The following TRADD variants were observed in gnomAD, a reference collection of about 807,000 sequenced individuals.
The protein encoded by TRADD is tumor necrosis factor receptor type 1-associated DEATH domain protein.
In TRADD, 14 loss-of-function variants were observed where a neutral mutation model predicts 31.5. That is an observed-to-expected ratio of 0.44 (90% CI 0.29 to 0.69). TRADD has a LOEUF of 0.69. Among genes scored for constraint, TRADD ranks in the 30% least tolerant of loss-of-function variants. The probability of loss-of-function intolerance (pLI) is 0.11; values close to 1 mark genes in which losing one functional copy is unlikely to be tolerated. For synonymous variants in TRADD, 220 were observed against 215.8 expected (o/e 1.02, Z -0.17); for missense variants, 388 against 435.7 (o/e 0.89, Z 0.97).
In TRADD at chr16:67,156,480, T is replaced by C. The variant is rs771641581; in HGVS notation, c.151+30A>G. Reference sequence around the variant, plus strand: ...CCACAAAATGCTCCAGGCCACCCCTTCCTCTCCACATGCCCGCCCATCCAC... The same window carrying C: ...CCACAAAATGCTCCAGGCCACCCCTCCCTCTCCACATGCCCGCCCATCCAC... On this transcript the variant is annotated intron_variant, in intron 2 of 4. Coordinates refer to ENST00000345057, the MANE Select transcript of TRADD (RefSeq NM_003789.4). This position sits in a 1 kb window ranked among gnomAD's most constrained non-coding sequence, Gnocchi z 4.6. The C allele has an allele frequency of 1.9e-6, 3 of 1,607,106 alleles. No homozygotes were observed. In the South Asian group the frequency reaches 3.3e-5, roughly 18 times the overall value.
Position 67,154,619 on chromosome 16 carries a change from G to A in TRADD, c.*30C>T. On this transcript the variant is annotated 3_prime_UTR_variant, in exon 5 of 5. Transcript: ENST00000345057. The surrounding 1 kb of genome is among the most constrained non-coding windows in gnomAD (Gnocchi z 5.2). ...GCAGAAGGAACCCTAAGGCCATCCA[G>A]GTTCTCCAAAAGCTGGCTGCACCCC... The A allele has an allele frequency of 6.2e-7, 1 of 1,606,528 alleles. No individual in the cohort carries two copies. Among genetic ancestry groups the A allele is most frequent in the Non-Finnish European group, 8.5e-7 (1 of 1,177,732 alleles).
In TRADD at chr16:67,155,563, C is replaced by T. The variant is rs1235546673; in HGVS notation, c.243G>A (p.Gln81=). Residue 81 remains glutamine (Q), a synonymous_variant, in exon 3 of 5, where the codon CAG becomes CAA. Coordinates refer to ENST00000345057, the MANE Select transcript of TRADD (RefSeq NM_003789.4). ...LIVQLRFCGR[Q]PCGRFLRAYR... ...AGGCGCGGAGGAAGCGGCCACAGGG[C>T]TGCCGCCCGCAGAATCGCAGCTGCA... The T allele has an allele frequency of 6.5e-7, 1 of 1,529,424 alleles. No individual in the cohort carries two copies. Among genetic ancestry groups the T allele is most frequent in the Non-Finnish European group, 8.7e-7 (1 of 1,145,336 alleles). The allele number at this position is 1,529,424 out of a possible 1,614,324, so 94.7% of individuals were successfully genotyped here. A position where few individuals can be genotyped will look rare whatever the true frequency, so the allele number is the denominator to read the frequency against.
Position 67,156,012 on chromosome 16 carries a change from G to T in TRADD, c.152-358C>A, listed in dbSNP as rs1377281094. ...GGCGGCCAGCAGGGCAGAGGAGGGCGAGAGGTCTCAGGTCTTCGGCCTCCA... is the reference window on the plus strand; with the variant it reads ...GGCGGCCAGCAGGGCAGAGGAGGGCTAGAGGTCTCAGGTCTTCGGCCTCCA... On this transcript the variant is annotated intron_variant, in intron 2 of 4. Transcript: ENST00000345057. This position sits in a 1 kb window ranked among gnomAD's most constrained non-coding sequence, Gnocchi z 4.6. 1 of 1,389,824 alleles carries T rather than the reference G, an allele frequency of 7.2e-7. No homozygotes were observed. The highest frequency in any genetic ancestry group is 9.5e-7 in the Non-Finnish European group (1 of 1,054,964). 86.1% of individuals were successfully genotyped at this position (1,389,824 alleles called of 1,614,324 possible). A position where few individuals can be genotyped will look rare whatever the true frequency, so the allele number is the denominator to read the frequency against.
rs1567663194 is a variant in TRADD, at chr16:67,156,030, G to C, written c.152-376C>G. On this transcript the variant is annotated intron_variant, in intron 2 of 4. Coordinates refer to ENST00000345057, the MANE Select transcript of TRADD (RefSeq NM_003789.4). This position sits in a 1 kb window ranked among gnomAD's most constrained non-coding sequence, Gnocchi z 4.6. ...GGAGGGCGAGAGGTCTCAGGTCTTCGGCCTCCACCAAGCGCGACTCCCACT... is the reference window on the plus strand; with the variant it reads ...GGAGGGCGAGAGGTCTCAGGTCTTCCGCCTCCACCAAGCGCGACTCCCACT... The C allele has an allele frequency of 1.5e-6, 2 of 1,372,046 alleles. No individual in the cohort carries two copies. The highest frequency in any genetic ancestry group is 1.4e-5 in the African/African-American group (1 of 69,010). 85.0% of individuals were successfully genotyped at this position (1,372,046 alleles called of 1,614,324 possible).
chr16:67,154,616 C>A lies in TRADD; in HGVS notation c.*33G>T, dbSNP rs2030584046. ...GCCGCAGAAGGAACCCTAAGGCCATCCAGGTTCTCCAAAAGCTGGCTGCAC... is the reference window on the plus strand; with the variant it reads ...GCCGCAGAAGGAACCCTAAGGCCATACAGGTTCTCCAAAAGCTGGCTGCAC... On this transcript the variant is annotated 3_prime_UTR_variant, in exon 5 of 5. Coordinates refer to ENST00000345057, the MANE Select transcript of TRADD (RefSeq NM_003789.4). This position sits in a 1 kb window ranked among gnomAD's most constrained non-coding sequence, Gnocchi z 5.2. 1.2e-6 allele frequency: 2 copies of A among 1,604,954 alleles called. No homozygotes were observed. The highest frequency in any genetic ancestry group is 3.4e-5 in the Admixed American group (2 of 59,108).
rs1298763959 is a variant in TRADD, at chr16:67,156,306, AT to A, written c.151+203del. On this transcript the variant is annotated intron_variant, in intron 2 of 4. Coordinates refer to ENST00000345057, the MANE Select transcript of TRADD (RefSeq NM_003789.4). This position sits in a 1 kb window ranked among gnomAD's most constrained non-coding sequence, Gnocchi z 4.6. ...TGGAGCAAAGGACGTTAGTGCACAA[AT>A]TGGTAAATCATACACAGACTCGAGA... 80 of 1,139,498 alleles carry A rather than the reference AT, an allele frequency of 7.0e-5. No homozygotes were observed. In the Admixed American group the frequency reaches 1.6e-3, roughly 22 times the overall value. The allele number at this position is 1,139,498 out of a possible 1,614,324, so 70.6% of individuals were successfully genotyped here. A position where few individuals can be genotyped will look rare whatever the true frequency, so the allele number is the denominator to read the frequency against.
rs936348132 is a variant in TRADD at position 67,155,404 on chromosome 16, G to A, written c.402C>T (p.Arg134=). The A allele has an allele frequency of 6.3e-7, 1 of 1,598,744 alleles. No homozygotes were observed. ...GCTGGGCTAGGATGCAACTCAAACA[G>A]CGCTCCTCGTCCGCCAGCAAAGCGT... ...RLDALLADEE[R]CLSCILAQQP... is the part of the protein sequence containing the mutation. The change falls in exon 3 of 5, where the codon CGC becomes CGT. Residue 134 remains arginine, a synonymous_variant. Transcript: ENST00000345057.
rs749074697 is a variant in TRADD, at chr16:67,154,643, C to A, written c.*6G>T. The A allele has an allele frequency of 8.5e-5, 137 of 1,611,684 alleles. No homozygotes were observed. The highest frequency in any genetic ancestry group is 1.1e-4 in the Non-Finnish European group (135 of 1,179,690). On this transcript the variant is annotated 3_prime_UTR_variant, in exon 5 of 5. Transcript: ENST00000345057. The surrounding 1 kb of genome is among the most constrained non-coding windows in gnomAD (Gnocchi z 5.2). ...AGGTTCTCCAAAAGCTGGCTGCACC[C>A]CTGGTCTAGGCCAGGCCGCCATTGG...
rs745673506 is a variant in TRADD at position 67,156,214 on chromosome 16, G to T, written c.151+296C>A. ...AGCAAGGAGTGCTGCAGTAAGAGAG[G>T]AAAAGAGGAGAGAGACATCCACAAT... is the stretch of plus-strand genomic sequence containing the variant. On this transcript the variant is annotated intron_variant, in intron 2 of 4. Transcript: ENST00000345057. The surrounding 1 kb of genome is among the most constrained non-coding windows in gnomAD (Gnocchi z 4.6). 1 of 1,443,558 alleles carries T rather than the reference G, an allele frequency of 6.9e-7. No individual in the cohort carries two copies. Among genetic ancestry groups the T allele is most frequent in the Admixed American group, 2.1e-5 (1 of 47,180 alleles). 89.4% of individuals were successfully genotyped at this position (1,443,558 alleles called of 1,614,324 possible).
At chr16:67,155,688 C>T in intron 2 of TRADD, 34 bp from the exon 3 acceptor site, 1 of 1,542,002 alleles carries the variant, frequency 6.5e-7, no homozygotes, top group Non-Finnish European at 8.7e-7. Flanking sequence ...CCGGGCGGTC[C>T]CCAAGCTCGG....
At position 67,159,158 on chromosome 16, in the gene TRADD, G is replaced by A. The variant is rs1398426562; in HGVS notation, c.-9+680C>T. Among the ~76,000 whole-genome samples, 2 of 152,228 alleles carry A rather than the reference G, an allele frequency of 1.3e-5. No individual in the cohort carries two copies. The highest frequency in any genetic ancestry group is 2.9e-5 in the Non-Finnish European group (2 of 68,034). ...TGTTCTTTCACGGAAGCCCCTCCTT[G>A]GGAAGCCCCGCGCCCCACCCACCAG... On this transcript the variant is annotated intron_variant, in intron 1 of 4. Transcript: ENST00000345057. The surrounding 1 kb of genome is among the most constrained non-coding windows in gnomAD (Gnocchi z 6.8).
In TRADD at chr16:67,156,912, C is replaced by T. The variant is rs2030720932; in HGVS notation, c.-8-244G>A. Among the ~76,000 whole-genome samples, 1 of 152,210 alleles carries T rather than the reference C, an allele frequency of 6.6e-6. No individual in the cohort carries two copies. The highest frequency in any genetic ancestry group is 1.5e-5 in the Non-Finnish European group (1 of 68,042). Reference sequence around the variant, plus strand: ...CAGGCTTGCAGTGAGGACTGTCCCTCCACTGCCTTCTTGGAGAAAGAGCCC... The same window carrying T: ...CAGGCTTGCAGTGAGGACTGTCCCTTCACTGCCTTCTTGGAGAAAGAGCCC... On this transcript the variant is annotated intron_variant, in intron 1 of 4. Transcript: ENST00000345057. The surrounding 1 kb of genome is among the most constrained non-coding windows in gnomAD (Gnocchi z 4.6).
At position 67,154,988 on chromosome 16, in the gene TRADD, G is replaced by T. The variant is rs780740580; in HGVS notation, c.629-29C>A. 9 of 1,599,134 alleles carry T rather than the reference G, an allele frequency of 5.6e-6. No homozygotes were observed. The South Asian group carries it at 9.0e-5, about 16-fold the overall frequency. On this transcript the variant is annotated intron_variant, in intron 4 of 4. Transcript: ENST00000345057. This position sits in a 1 kb window ranked among gnomAD's most constrained non-coding sequence, Gnocchi z 5.2. ...CAGAGGGAGTGGGGAAACGGGGTGAGGGCGGGGACCCCCAGCGCCGGTCCC... is the reference window on the plus strand; with the variant it reads ...CAGAGGGAGTGGGGAAACGGGGTGATGGCGGGGACCCCCAGCGCCGGTCCC...
chr16:67,154,926 G>C lies in TRADD; in HGVS notation c.662C>G (p.Thr221Arg). The C allele has an allele frequency of 3.7e-6, 6 of 1,609,400 alleles. No homozygotes were observed. The highest frequency in any genetic ancestry group is 5.1e-6 in the Non-Finnish European group (6 of 1,178,364). ...TTTGAGACCCACAGAGCGCGCGAACGTCTGTTGGTCCTTCAGGCTCAGCGG... is the reference window on the plus strand; with the variant it reads ...TTTGAGACCCACAGAGCGCGCGAACCTCTGTTGGTCCTTCAGGCTCAGCGG... ...NRPLSLKDQQ[T>R]FARSVGLKWR... The change falls in exon 5 of 5, where the codon ACG becomes AGG. Residue 221 changes from threonine to arginine, a missense_variant. Physicochemically the swap from Thr to Arg is moderately conservative, Grantham distance 71 (BLOSUM62 -1). Transcript: ENST00000345057. The surrounding 1 kb of genome is among the most constrained non-coding windows in gnomAD (Gnocchi z 5.2).
intron 2 of TRADD, chr16:67,155,939 A>G (rs1028437451): frequency 6.7e-7 from 1 of 1,491,188 alleles, no homozygotes; most frequent in Non-Finnish European, 8.9e-7. Flanking sequence ...GGGACTTCGA[A>G]GCACAGAAAA....
intron 3 of TRADD, 34 bp downstream of exon 3, chr16:67,155,343 G>T: frequency 6.2e-7 from 1 of 1,605,522 alleles, no homozygotes. Flanking sequence ...GCGGATCCCC[G>T]CCCTACCCCA....
chr16:67,156,711 C>G lies in TRADD; in HGVS notation c.-8-43G>C, dbSNP rs777389957. ...CAGGTATCCAGTTCATCCCCCCTCC[C>G]TCCACCCTGGAGACAACTACCCAGC... is the stretch of plus-strand genomic sequence containing the variant. On this transcript the variant is annotated intron_variant, in intron 1 of 4. Coordinates refer to ENST00000345057, the MANE Select transcript of TRADD (RefSeq NM_003789.4). The surrounding 1 kb of genome is among the most constrained non-coding windows in gnomAD (Gnocchi z 4.6). The G allele has an allele frequency of 6.2e-7, 1 of 1,610,240 alleles. No individual in the cohort carries two copies. The highest frequency in any genetic ancestry group is 2.2e-5 in the East Asian group (1 of 44,884).
Position 67,155,614 on chromosome 16 carries a change from G to T in TRADD, c.192C>A (p.Ile64=). ...CGATCAGCTGCGGGTCGCTGCGGTG[G>T]ATCTTCAGCATCTGCAGCACGTCCG... ...GSPDVLQMLK[I]HRSDPQLIVQ... The change falls in exon 3 of 5, where the codon ATC becomes ATA. Residue 64 remains isoleucine, a synonymous_variant. Transcript: ENST00000345057. 1 of 1,557,408 alleles carries T rather than the reference G, an allele frequency of 6.4e-7. No individual in the cohort carries two copies. Among genetic ancestry groups the T allele is most frequent in the Non-Finnish European group, 8.6e-7 (1 of 1,158,530 alleles).
chr16:67,155,553 G>T lies in TRADD; in HGVS notation c.253C>A (p.Arg85Ser). The T allele has an allele frequency of 1.3e-6, 2 of 1,523,262 alleles. No individual in the cohort carries two copies. Among genetic ancestry groups the T allele is most frequent in the South Asian group, 2.4e-5 (2 of 82,922 alleles). The allele number at this position is 1,523,262 out of a possible 1,614,324, so 94.4% of individuals were successfully genotyped here. The change falls in exon 3 of 5, where the codon CGC becomes AGC. Residue 85 changes from arginine to serine, a missense_variant. Physicochemically the swap from Arg to Ser is moderately radical, Grantham distance 110 (BLOSUM62 -1). Transcript: ENST00000345057. ...LRFCGRQPCG[R>S]FLRAYREGAL... ...CCCTCGCGGTAGGCGCGGAGGAAGC[G>T]GCCACAGGGCTGCCGCCCGCAGAAT... is the stretch of plus-strand genomic sequence containing the variant.
Sources: gnomAD v4.1 joint callset for allele counts (sites outside exome capture counted in the v4.1 genomes callset) on GRCh38, gnomAD v4.1.1 for gene constraint, Gnocchi (gnomAD v3.1) non-coding constraint, MANE v1.5 for transcripts, NCBI Gene and HGNC (gene_info 2026-07-23, HGNC 2026-07-21) for gene names.